The following CNTN5 variants were observed in gnomAD, a reference collection of about 807,000 sequenced individuals.
The protein encoded by CNTN5 is contactin-5.
In CNTN5, 77 loss-of-function variants were observed where a neutral mutation model predicts 129.1. That is an observed-to-expected ratio of 0.60 (90% confidence interval 0.50 to 0.72). CNTN5 has a LOEUF of 0.72. Ranked by LOEUF, CNTN5 falls within the 30% of genes least tolerant of loss-of-function variation. The pLI, the probability that CNTN5 is intolerant of heterozygous loss-of-function variation, is 0.00. For missense variants in CNTN5, 1,478 were observed against 1,328.8 expected (o/e 1.11, Z -1.75); for synonymous variants, 509 against 465.6 (o/e 1.09, Z -1.20).
chr11:99,775,234 A>G (rs1945082893), intron 3 of CNTN5, among the ~76,000 whole-genome samples: 1 of 152,050 alleles, frequency 6.6e-6, no homozygotes, highest in Non-Finnish European at 1.5e-5. Flanking sequence ...TTCCAATGAC[A>G]TTGGGAAGTA....
chr11:100,160,541 G>C (rs1253817004), intron 13 of CNTN5, among the ~76,000 whole-genome samples: 1 of 151,910 alleles, frequency 6.6e-6, no homozygotes, highest in Non-Finnish European at 1.5e-5. Context: ...CAAGAGAGAA[G>C]AGAGTGAAAG....
chr11:99,889,526 ATTC>A (rs1949001494), intron 6 of CNTN5, among the ~76,000 whole-genome samples: 1 of 145,254 alleles, frequency 6.9e-6, no homozygotes, highest in African/African-American at 2.6e-5. Flanking sequence ...TCCACTAGAC[ATTC>A]TTTTTTTTTT....
intron 8 of CNTN5, among the ~76,000 whole-genome samples, chr11:99,998,300 A>G (rs1939598239): frequency 6.6e-6 from 1 of 151,840 alleles, no homozygotes; most frequent in Admixed American, 6.6e-5. Flanking sequence ...AAGCAACTTC[A>G]GCAAAGTCTC....
chr11:100,062,766 T>A (rs1208730204), intron 10 of CNTN5, among the ~76,000 whole-genome samples: 5 of 152,222 alleles, frequency 3.3e-5, no homozygotes, highest in Non-Finnish European at 7.3e-5. Flanking sequence ...TTAGTAGTGG[T>A]TTGATTGTTT....
At chr11:99,547,279 C>T (rs1302635867) in intron 2 of CNTN5, among the ~76,000 whole-genome samples, 1 of 152,158 alleles carries the variant, frequency 6.6e-6, no homozygotes, top group Non-Finnish European at 1.5e-5. Flanking sequence ...GCTGGGATTA[C>T]AGGCGTGAGC....
chr11:100,001,534 T>G (rs533353492), intron 8 of CNTN5, among the ~76,000 whole-genome samples: 50 of 152,338 alleles, frequency 3.3e-4, no homozygotes, highest in African/African-American at 1.1e-3. Context: ...CATACTTGAG[T>G]GTACAGTATG....
chr11:99,372,771 TCAAA>T (rs1381334126), intron 2 of CNTN5, among the ~76,000 whole-genome samples: 1 of 151,986 alleles, frequency 6.6e-6, no homozygotes, highest in African/African-American at 2.4e-5. Context: ...AAATCCTCAA[TCAAA>T]CAGTTTATCT....
chr11:99,866,065 T>C (rs549887476), intron 6 of CNTN5, among the ~76,000 whole-genome samples: 4 of 152,330 alleles, frequency 2.6e-5, no homozygotes, highest in South Asian at 4.1e-4. Flanking sequence ...TCCAGGGTCA[T>C]GTGAGGATGA....
At chr11:99,319,077 C>A (rs919901348) in intron 1 of CNTN5, among the ~76,000 whole-genome samples, 10 of 152,066 alleles carry the variant, frequency 6.6e-5, no homozygotes, top group African/African-American at 2.2e-4. Flanking sequence ...ATGCTATAGG[C>A]TCTGTGGGGG....
chr11:99,876,556 G>T (rs1220863861), intron 6 of CNTN5, among the ~76,000 whole-genome samples: 2 of 152,114 alleles, frequency 1.3e-5, no homozygotes, highest in African/African-American at 4.8e-5. Context: ...CTGAATACAT[G>T]TACATTTATT....
intron 3 of CNTN5, among the ~76,000 whole-genome samples, chr11:99,738,914 TGTTATA>T: frequency 6.6e-6 from 1 of 152,342 alleles, no homozygotes; most frequent in Admixed American, 6.5e-5. Context: ...AGCTTACGCT[TGTTATA>T]CTTATGAGAA....
At chr11:99,337,131 A>G (rs2136043341) in intron 2 of CNTN5, among the ~76,000 whole-genome samples, 1 of 152,296 alleles carries the variant, frequency 6.6e-6, no homozygotes, top group East Asian at 1.9e-4. Flanking sequence ...TTTTCCTAAT[A>G]TTAAGGTGTA....
intron 1 of CNTN5, among the ~76,000 whole-genome samples, chr11:99,211,113 T>C (rs1222242615): frequency 6.6e-6 from 1 of 152,140 alleles, no homozygotes; most frequent in Admixed American, 6.6e-5. Context: ...AGGTTCTTTT[T>C]CTTAACCCAT....
intron 1 of CNTN5, among the ~76,000 whole-genome samples, chr11:99,174,368 T>C (rs1183460904): frequency 1.3e-5 from 2 of 152,180 alleles, no homozygotes; most frequent in African/African-American, 4.8e-5. Flanking sequence ...GACTTGGTTA[T>C]ATCATTAGCA....
intron 3 of CNTN5, among the ~76,000 whole-genome samples, chr11:99,782,154 A>C (rs1297185306): frequency 2.7e-5 from 4 of 150,828 alleles, no homozygotes; most frequent in Non-Finnish European, 5.9e-5. Context: ...TCAATGTACA[A>C]AAATCACAAG....
intron 4 of CNTN5, among the ~76,000 whole-genome samples, chr11:99,829,175 C>A (rs1363341059): frequency 6.6e-6 from 1 of 152,080 alleles, no homozygotes; most frequent in Non-Finnish European, 1.5e-5. Context: ...TTTTAGTGAT[C>A]TGAAATGATG....
At chr11:100,218,073 G>A (rs1478177156) in intron 15 of CNTN5, among the ~76,000 whole-genome samples, 1 of 152,194 alleles carries the variant, frequency 6.6e-6, no homozygotes, top group Non-Finnish European at 1.5e-5. Context: ...CCAGTATAAA[G>A]TGAACAGGTT....
intron 2 of CNTN5, among the ~76,000 whole-genome samples, chr11:99,355,821 G>GTTTTTTTTTTTTT (rs386756715): frequency 9.9e-5 from 13 of 131,138 alleles, no homozygotes; most frequent in East Asian, 2.2e-4. Context: ...GTTTTTTTTT[G>GTTTTTTTTTTTTT]TTTTTTTTTT....
chr11:99,650,065 A>G (rs1952097351), intron 3 of CNTN5, among the ~76,000 whole-genome samples: 1 of 151,740 alleles, frequency 6.6e-6, no homozygotes, highest in African/African-American at 2.4e-5. Context: ...TAAAAAGAGT[A>G]TTTTTTTCTG....
Sources: allele counts gnomAD v4.1 joint callset (sites outside exome capture counted in the v4.1 genomes callset), GRCh38; gene constraint gnomAD v4.1.1; transcripts MANE v1.5; gene names NCBI Gene and HGNC (gene_info 2026-07-23, HGNC 2026-07-21).